The following SAMD4B variants were observed in gnomAD, a reference collection of about 807,000 sequenced individuals.
SAMD4B encodes protein Smaug homolog 2.
Under a neutral mutation model 74.5 loss-of-function variants are expected in SAMD4B, and 5 were observed. The observed-to-expected ratio is 0.07, with a 90% confidence interval of 0.04 to 0.14. SAMD4B has a LOEUF of 0.14. SAMD4B is among the 10% of genes least tolerant of loss of function. SAMD4B has a pLI of 1.00. For missense variants in SAMD4B, 608 were observed against 921.8 expected (o/e 0.66, Z 4.41); for synonymous variants, 373 against 374.9 (o/e 1.00, Z 0.06).
intron 1 of SAMD4B, among the ~76,000 whole-genome samples, chr19:39,347,690 A>G (rs1354041681): frequency 6.6e-6 from 1 of 152,220 alleles, no homozygotes; most frequent in Non-Finnish European, 1.5e-5. Context: ...ACTTTGGAAG[A>G]GAGTTAAGTA....
At chr19:39,364,290 A>G (rs1295208507) in intron 3 of SAMD4B, among the ~76,000 whole-genome samples, 2 of 152,196 alleles carry the variant, frequency 1.3e-5, no homozygotes, top group Non-Finnish European at 2.9e-5. Flanking sequence ...GCCTCTGGCT[A>G]TGCTGCAAGG....
chr19:39,366,575 G>A (rs2145614713), intron 3 of SAMD4B, among the ~76,000 whole-genome samples: 1 of 152,334 alleles, frequency 6.6e-6, no homozygotes, highest in Middle Eastern at 3.4e-3. Flanking sequence ...GTTAGGAACT[G>A]TGTGAGATTC....
intron 3 of SAMD4B, chr19:39,360,249 A>G (rs2076574145): frequency 6.6e-6 from 1 of 152,238 alleles, no homozygotes; most frequent in Admixed American, 6.5e-5. Flanking sequence ...CTTGAAAGAC[A>G]TGCTGCATTT....
At chr19:39,343,971 A>T (rs2145138335) in intron 1 of SAMD4B, among the ~76,000 whole-genome samples, 1 of 111,348 alleles carries the variant, frequency 9.0e-6, no homozygotes. Flanking sequence ...TCTGATATGC[A>T]GGTTTTCAGG....
intron 1 of SAMD4B, among the ~76,000 whole-genome samples, chr19:39,344,125 CT>C (rs140711902): frequency 0.014 from 2,178 of 152,080 alleles, 49 homozygotes; most frequent in African/African-American, 0.049. Flanking sequence ...TACTAAGGGA[CT>C]TTTCTAGAGA....
intron 4 of SAMD4B, among the ~76,000 whole-genome samples, chr19:39,371,550 C>T (rs190395089): frequency 4.6e-5 from 7 of 152,304 alleles, no homozygotes; most frequent in African/African-American, 1.7e-4. Context: ...GGCATGGTGG[C>T]TCACGCCTGT....
chr19:39,354,934 A>G (rs893189273), intron 2 of SAMD4B, among the ~76,000 whole-genome samples: 1 of 152,110 alleles, frequency 6.6e-6, no homozygotes, highest in Non-Finnish European at 1.5e-5. Flanking sequence ...GTGCAGTGGC[A>G]TGATCTCAGC....
chr19:39,377,520 G>A lies in SAMD4B; in HGVS notation c.1140G>A (p.Leu380=). The A allele has an allele frequency of 6.3e-7, 1 of 1,590,392 alleles. No homozygotes were observed. Among genetic ancestry groups the A allele is most frequent in the Non-Finnish European group, 8.6e-7 (1 of 1,163,754 alleles). Residue 380 remains leucine (L), a synonymous_variant, in exon 8 of 14, where the codon CTG becomes CTA. Transcript: ENST00000610417. ...VLEGGNLRNA[L]QELQQIIITP... ...AAGGCGGGAACCTACGAAACGCTCT[G>A]CAGGAGCTGCAGCAGATCATCATCA...
rs1410991435 is a variant in SAMD4B, at chr19:39,385,680, AAAAC to A, written c.*2161_*2164del. ...GTCTGGGCTTATTTTGGAAAAAAAAAAAACAAACAAAAAAAACGAATTCTGACCT... is the reference window on the plus strand; with the variant it reads ...GTCTGGGCTTATTTTGGAAAAAAAAAAAACAAAAAAAACGAATTCTGACCT... On this transcript the variant is annotated 3_prime_UTR_variant, in exon 14 of 14. Coordinates refer to ENST00000610417, the MANE Select transcript of SAMD4B (RefSeq NM_001384574.2). 105 of 537,774 alleles carry A rather than the reference AAAAC, an allele frequency of 2.0e-4. No homozygotes were observed. Among genetic ancestry groups the A allele is most frequent in the East Asian group, 1.5e-3 (52 of 33,778 alleles). The allele number at this position is 537,774 out of a possible 1,614,324, so 33.3% of individuals were successfully genotyped here.
intron 1 of SAMD4B, chr19:39,350,858 TC>T (rs1229550739): frequency 6.6e-6 from 1 of 151,748 alleles, no homozygotes; most frequent in Admixed American, 6.6e-5. Flanking sequence ...ACTCAAGTGA[TC>T]CTCCCAAAGT....
chr19:39,377,345 C>A (rs1233477257), intron 7 of SAMD4B, 140 bp from the exon 8 acceptor site: 5 of 625,688 alleles, frequency 8.0e-6, no homozygotes, highest in Non-Finnish European at 1.4e-5. Flanking sequence ...GCTTGCAGTA[C>A]CCTTACATGC....
chr19:39,376,175 GT>G (rs1162443744), intron 5 of SAMD4B, among the ~76,000 whole-genome samples: 1 of 152,134 alleles, frequency 6.6e-6, no homozygotes, highest in Non-Finnish European at 1.5e-5. Context: ...TCCAGCAAGA[GT>G]TTTGGAGCAA....
downstream of SAMD4B, chr19:39,385,771 C>G: frequency 3.1e-6 from 2 of 651,980 alleles, no homozygotes; most frequent in South Asian, 4.1e-5. Flanking sequence ...TTCTAAGCCT[C>G]AAGCCAAGAT....
chr19:39,363,127 G>T (rs903523448), intron 3 of SAMD4B, among the ~76,000 whole-genome samples: 4 of 152,084 alleles, frequency 2.6e-5, no homozygotes, highest in Admixed American at 1.3e-4. Context: ...GAGCAGTCTC[G>T]ATTGGTGCCT....
At position 39,385,672 on chromosome 19, in the gene SAMD4B, A is replaced by G. The variant is rs977101106; in HGVS notation, c.*2145A>G. 5.5e-5 allele frequency: 20 copies of G among 361,164 alleles called. No individual in the cohort carries two copies. The highest frequency in any genetic ancestry group is 1.5e-4 in the African/African-American group (7 of 45,868). The allele number at this position is 361,164 out of a possible 1,614,324, so 22.4% of individuals were successfully genotyped here. ...GTTTAATGGTCTGGGCTTATTTTGGAAAAAAAAAAAACAAACAAAAAAAAC... is the reference window on the plus strand; with the variant it reads ...GTTTAATGGTCTGGGCTTATTTTGGGAAAAAAAAAAACAAACAAAAAAAAC... On this transcript the variant is annotated 3_prime_UTR_variant, in exon 14 of 14. Coordinates refer to ENST00000610417, the MANE Select transcript of SAMD4B (RefSeq NM_001384574.2).
At chr19:39,388,582 T>C (rs1220461541), downstream of SAMD4B, 1 of 1,613,918 alleles carries the variant, frequency 6.2e-7, no homozygotes, top group East Asian at 2.2e-5. Flanking sequence ...GCATAGTCCA[T>C]CTCCTCCTCC....
chr19:39,380,093 G>A lies in SAMD4B; in HGVS notation c.1649+9G>A, dbSNP rs764233251. 1.9e-6 allele frequency: 3 copies of A among 1,610,410 alleles called. No individual in the cohort carries two copies. The highest frequency in any genetic ancestry group is 1.7e-6 in the Non-Finnish European group (2 of 1,177,618). On this transcript the variant is annotated intron_variant, in intron 10 of 13. Coordinates refer to ENST00000610417, the MANE Select transcript of SAMD4B (RefSeq NM_001384574.2). ...TACCGGCAGCAGAAAGGGTAGGCGG[G>A]TGGCCAGGTTACAGGGACCTGCCCT...
intron 1 of SAMD4B, among the ~76,000 whole-genome samples, chr19:39,344,428 A>G (rs1486070478): frequency 6.6e-6 from 1 of 152,082 alleles, no homozygotes; most frequent in Non-Finnish European, 1.5e-5. Context: ...TCAGAAGACC[A>G]CACCTTCCTC....
chr19:39,369,970 G>T lies in SAMD4B; in HGVS notation c.512G>T (p.Gly171Val). Residue 171 changes from glycine (G) to valine (V), a missense_variant, in exon 4 of 14, where the codon GGC becomes GTC. Physicochemically the swap from Gly to Val is moderately radical, Grantham distance 109 (BLOSUM62 -3). Coordinates refer to ENST00000610417, the MANE Select transcript of SAMD4B (RefSeq NM_001384574.2). ...GAGCCCTCCTACCATTCACGTCAAG[G>T]CTCAGATGAGTGGGGGGGCCCTGCA... ...RPEPSYHSRQ[G>V]SDEWGGPAEL... 2 of 1,613,700 alleles carry T rather than the reference G, an allele frequency of 1.2e-6. No homozygotes were observed. Among genetic ancestry groups the T allele is most frequent in the Middle Eastern group, 1.6e-4 (1 of 6,062 alleles).
Sources: allele counts gnomAD v4.1 joint callset (sites outside exome capture counted in the v4.1 genomes callset), GRCh38; gene constraint gnomAD v4.1.1; transcripts MANE v1.5; gene names NCBI Gene and HGNC (gene_info 2026-07-23, HGNC 2026-07-21).